Variants in KCNN2 observed in about 807,000 individuals in gnomAD.
KCNN2 encodes small conductance calcium-activated potassium channel protein 2.
A neutral mutation model predicts 55.5 loss-of-function variants in KCNN2; 24 were observed. The observed-to-expected ratio is 0.43, with a 90% CI of 0.31 to 0.61. KCNN2 has a LOEUF of 0.61. Among genes scored for constraint, KCNN2 ranks in the 20% least tolerant of loss-of-function variants. The probability of loss-of-function intolerance (pLI) is 0.08; values close to 1 mark genes in which losing one functional copy is unlikely to be tolerated. For missense variants in KCNN2, 754 were observed against 853.6 expected (o/e 0.88, Z 1.45); for synonymous variants, 431 against 336.1 (o/e 1.28, Z -3.09).
intron 2 of KCNN2, among the ~76,000 whole-genome samples, chr5:114,285,154 G>A (rs1350836629): frequency 6.6e-6 from 1 of 151,286 alleles, no homozygotes; most frequent in African/African-American, 2.4e-5. Flanking sequence ...TGTGGTGGCG[G>A]GTGCCTGTAG....
intron 2 of KCNN2, among the ~76,000 whole-genome samples, chr5:114,324,222 C>T (rs528315584): frequency 5.3e-5 from 8 of 152,262 alleles, no homozygotes; most frequent in African/African-American, 1.7e-4. Flanking sequence ...TTGTGGTAAG[C>T]AGAATAATGG....
intron 1 of KCNN2, among the ~76,000 whole-genome samples, chr5:114,071,449 G>A (rs1750567453): frequency 6.6e-6 from 1 of 152,186 alleles, no homozygotes; most frequent in Non-Finnish European, 1.5e-5. Context: ...TCACATGCTT[G>A]TACCATAGAT....
rs569416716 is a variant in KCNN2 at position 114,375,874 on chromosome 5, A to G, written c.1218+11873A>G. Among the ~76,000 whole-genome samples, 5 of 149,012 alleles carry G rather than the reference A, an allele frequency of 3.4e-5. No individual in the cohort carries two copies. The South Asian group carries it at 1.1e-3, about 32-fold the overall frequency. ...ACAACACAATTCAGGGATGAAAACT[A>G]TTTTTTAAAACTATTTTTGATTTTG... On this transcript the variant is annotated intron_variant, in intron 2 of 7. Coordinates refer to ENST00000673685, the MANE Select transcript of KCNN2 (RefSeq NM_021614.4).
chr5:114,423,346 A>C (rs1028177304), intron 3 of KCNN2, among the ~76,000 whole-genome samples: 3 of 152,172 alleles, frequency 2.0e-5, no homozygotes, highest in African/African-American at 7.2e-5. Flanking sequence ...CACAGCCCCC[A>C]AAAAAGACAC....
chr5:114,281,591 GTCTCTC>G (rs146112749), intron 2 of KCNN2, among the ~76,000 whole-genome samples: 5 of 147,144 alleles, frequency 3.4e-5, no homozygotes, highest in Non-Finnish European at 7.5e-5. Context: ...GTCAATCTCT[GTCTCTC>G]TCTCTCTCTC....
At chr5:114,057,021 G>A (rs765598409) in intron 1 of KCNN2, 12 of 152,154 alleles carry the variant, frequency 7.9e-5, no homozygotes, top group Admixed American at 2.0e-4. Flanking sequence ...ACTTCTTCAA[G>A]CTGGGGGTGA....
intron 2 of KCNN2, among the ~76,000 whole-genome samples, chr5:114,267,282 A>T (rs1755229885): frequency 6.6e-6 from 1 of 152,162 alleles, no homozygotes; most frequent in Non-Finnish European, 1.5e-5. Context: ...GGCGTGAGCC[A>T]CTGCGCCCGG....
At chr5:114,059,726 T>C (rs989989713) in intron 1 of KCNN2, among the ~76,000 whole-genome samples, 1 of 152,094 alleles carries the variant, frequency 6.6e-6, no homozygotes, top group Non-Finnish European at 1.5e-5. Context: ...AGAGCTACTC[T>C]GAGAAGCCAG....
At chr5:114,361,264 C>T (rs1757413997), upstream of KCNN2, 1 of 152,266 alleles carries the variant, frequency 6.6e-6, no homozygotes. Flanking sequence ...CGCCCCCACC[C>T]ACCCCCGGCC....
intron 1 of KCNN2, among the ~76,000 whole-genome samples, chr5:114,146,970 G>A (rs1752411231): frequency 6.6e-6 from 1 of 152,158 alleles, no homozygotes; most frequent in Admixed American, 6.6e-5. Context: ...ATTTTTGATG[G>A]TAGCTGTTTC....
At chr5:114,249,881 G>C (rs1754824317) in intron 2 of KCNN2, among the ~76,000 whole-genome samples, 1 of 152,098 alleles carries the variant, frequency 6.6e-6, no homozygotes, top group Non-Finnish European at 1.5e-5. Flanking sequence ...TAAATATGCT[G>C]AAATTTAGTA....
intron 2 of KCNN2, among the ~76,000 whole-genome samples, chr5:114,227,841 G>A (rs766223339): frequency 6.6e-6 from 1 of 152,026 alleles, no homozygotes; most frequent in South Asian, 2.1e-4. Flanking sequence ...ACATATACAT[G>A]TAAGGTAAAC....
intron 4 of KCNN2, among the ~76,000 whole-genome samples, chr5:114,468,918 G>A (rs1761575725): frequency 6.6e-6 from 1 of 152,060 alleles, no homozygotes; most frequent in South Asian, 2.1e-4. Flanking sequence ...ATGATTTAGG[G>A]CAAAAATGTG....
At chr5:114,097,616 C>A (rs1004439232) in intron 1 of KCNN2, among the ~76,000 whole-genome samples, 6 of 152,206 alleles carry the variant, frequency 3.9e-5, no homozygotes, top group Non-Finnish European at 2.9e-5. Flanking sequence ...GACAATTAAA[C>A]ATGAACGTCT....
intron 2 of KCNN2, among the ~76,000 whole-genome samples, chr5:114,386,429 T>G (rs1758290161): frequency 6.6e-6 from 1 of 152,212 alleles, no homozygotes; most frequent in Non-Finnish European, 1.5e-5. Flanking sequence ...ATTGAGTTCT[T>G]ATTTATAATG....
chr5:114,306,706 T>C (rs1309571969), intron 2 of KCNN2, among the ~76,000 whole-genome samples: 7 of 145,786 alleles, frequency 4.8e-5, no homozygotes, highest in African/African-American at 2.6e-5. Context: ...TTTTCTTTTT[T>C]TTTTTTTTTT....
At chr5:114,402,938 C>T (rs534708421) in intron 2 of KCNN2, among the ~76,000 whole-genome samples, 1 of 151,946 alleles carries the variant, frequency 6.6e-6, no homozygotes, top group East Asian at 1.9e-4. Flanking sequence ...GGGAAGTGAG[C>T]AGAGGAGTAG....
chr5:114,291,837 T>A (rs1476313745), intron 2 of KCNN2, among the ~76,000 whole-genome samples: 1 of 152,202 alleles, frequency 6.6e-6, no homozygotes, highest in African/African-American at 2.4e-5. Flanking sequence ...TTTCTCCACA[T>A]CCTCTCCAGC....
chr5:114,487,496 G>T (rs1747632078), intron 6 of KCNN2, among the ~76,000 whole-genome samples: 2 of 152,006 alleles, frequency 1.3e-5, no homozygotes, highest in South Asian at 4.1e-4. Flanking sequence ...GATTTTTTCA[G>T]CTTTATTTTC....
Sources: gnomAD v4.1 joint callset for allele counts (sites outside exome capture counted in the v4.1 genomes callset) on GRCh38, gnomAD v4.1.1 for gene constraint, MANE v1.5 for transcripts, NCBI Gene and HGNC (gene_info 2026-07-23, HGNC 2026-07-21) for gene names.